Variants in MGAT4C observed in about 807,000 individuals in gnomAD.
The protein encoded by MGAT4C is alpha-1,3-mannosyl-glycoprotein 4-beta-N-acetylglucosaminyltransferase C.
A neutral mutation model predicts 40.1 loss-of-function variants in MGAT4C; 19 were observed. The ratio of observed to expected loss-of-function variants is 0.47; its 90% CI spans 0.33 to 0.70. MGAT4C has a LOEUF of 0.70. MGAT4C is among the 30% of genes least tolerant of loss of function. The probability of loss-of-function intolerance (pLI) is 0.02; values close to 1 mark genes in which losing one functional copy is unlikely to be tolerated. For missense variants in MGAT4C, 491 were observed against 563.2 expected, an observed-to-expected ratio of 0.87 and a Z score of 1.30; for synonymous variants, 181 against 187.1, an observed-to-expected ratio of 0.97 and a Z score of 0.27.
At chr12:86,124,439 T>A (rs1879927184) in intron 1 of MGAT4C, among the ~76,000 whole-genome samples, 2 of 152,254 alleles carry the variant, frequency 1.3e-5, no homozygotes, top group Middle Eastern at 3.4e-3. Flanking sequence ...ATTCTAAGAA[T>A]TTTAAGGAAC....
At chr12:86,716,559 C>T (rs1950647578) in intron 2 of MGAT4C, among the ~76,000 whole-genome samples, 2 of 152,094 alleles carry the variant, frequency 1.3e-5, no homozygotes, top group Admixed American at 1.3e-4. Flanking sequence ...CCTTTCCCTT[C>T]TGAAAAATGA....
intron 1 of MGAT4C, 111 bp from the exon 2 acceptor site, chr12:86,049,834 T>C (rs1892730626): frequency 5.0e-6 from 1 of 200,842 alleles, no homozygotes; most frequent in South Asian, 1.7e-4. Context: ...TCTAACTGCA[T>C]TAGGATCATA....
Position 86,226,052 on chromosome 12 carries a change from CA to C in MGAT4C, c.-57+30186del, listed in dbSNP as rs1304473210. Among the ~76,000 whole-genome samples, 11 of 151,436 alleles carry C rather than the reference CA, an allele frequency of 7.3e-5. 1 individual carries two copies. Among genetic ancestry groups the C allele is most frequent in the African/African-American group, 1.5e-4 (6 of 41,246 alleles). Reference sequence around the variant, plus strand: ...AAAACAAGGCGCTTGCATGTAATAACAGATCTATATAATTTTATAATATGCA... The same window carrying C: ...AAAACAAGGCGCTTGCATGTAATAACGATCTATATAATTTTATAATATGCA... On this transcript the variant is annotated intron_variant, in intron 1 of 4. Transcript: ENST00000611864.
chr12:86,745,352 A>G (rs1484092520), intron 1 of MGAT4C, among the ~76,000 whole-genome samples: 1 of 151,680 alleles, frequency 6.6e-6, no homozygotes, highest in Non-Finnish European at 1.5e-5. Flanking sequence ...CTGTGTAATC[A>G]AAGTATTTTT....
chr12:86,358,443 C>G (rs181928444), intron 3 of MGAT4C, among the ~76,000 whole-genome samples: 65 of 152,256 alleles, frequency 4.3e-4, no homozygotes, highest in African/African-American at 1.5e-3. Context: ...AACTGGCTAA[C>G]ATCATAATGA....
chr12:86,163,176 T>C (rs531617876), intron 1 of MGAT4C, among the ~76,000 whole-genome samples: 1 of 152,206 alleles, frequency 6.6e-6, no homozygotes, highest in Non-Finnish European at 1.5e-5. Flanking sequence ...ATTGACATTA[T>C]AGAACAACAA....
chr12:86,280,950 G>T (rs1157881070), intron 4 of MGAT4C, among the ~76,000 whole-genome samples: 1 of 151,910 alleles, frequency 6.6e-6, no homozygotes. Flanking sequence ...GGCAATCTTT[G>T]TCTTTTAATT....
intron 3 of MGAT4C, among the ~76,000 whole-genome samples, chr12:86,408,471 CTCTCTCTCTATATATATA>C (rs1237091633): frequency 5.5e-5 from 6 of 109,436 alleles, no homozygotes; most frequent in African/African-American, 2.0e-4. Flanking sequence ...CTCTCTCTCT[CTCTCTCTCTATATATATA>C]TATATATATA....
chr12:86,678,016 A>G (rs1035771692), intron 2 of MGAT4C, among the ~76,000 whole-genome samples: 4 of 152,112 alleles, frequency 2.6e-5, no homozygotes, highest in African/African-American at 9.7e-5. Flanking sequence ...TAAACACCAA[A>G]TGTATGCTGA....
intron 2 of MGAT4C, among the ~76,000 whole-genome samples, chr12:86,000,386 T>C (rs1887168186): frequency 6.6e-6 from 1 of 152,166 alleles, no homozygotes; most frequent in Admixed American, 6.6e-5. Context: ...GAGACACATG[T>C]CATATCACTA....
At chr12:86,587,396 A>G (rs1013330421) in intron 2 of MGAT4C, among the ~76,000 whole-genome samples, 1 of 152,134 alleles carries the variant, frequency 6.6e-6, no homozygotes, top group Admixed American at 6.6e-5. Context: ...TGATGCCTCC[A>G]GCTTTGTTCT....
At chr12:86,758,432 A>G (rs564689668) in intron 1 of MGAT4C, among the ~76,000 whole-genome samples, 1 of 150,092 alleles carries the variant, frequency 6.7e-6, no homozygotes, top group East Asian at 2.0e-4. Flanking sequence ...ACTTAGCACA[A>G]TTCTTAGGTA....
intron 2 of MGAT4C, among the ~76,000 whole-genome samples, chr12:86,662,357 A>C (rs532932476): frequency 6.6e-6 from 1 of 152,328 alleles, no homozygotes; most frequent in East Asian, 1.9e-4. Context: ...AAAAATTCAT[A>C]TGTGTTTATT....
chr12:86,009,564 C>T (rs773097485), intron 2 of MGAT4C, among the ~76,000 whole-genome samples: 21 of 152,162 alleles, frequency 1.4e-4, no homozygotes, highest in Non-Finnish European at 2.5e-4. Context: ...CAGTAAGCTA[C>T]GAAAATGACC....
chr12:86,441,352 A>G (rs917137118), intron 2 of MGAT4C, among the ~76,000 whole-genome samples: 2 of 150,896 alleles, frequency 1.3e-5, no homozygotes, highest in African/African-American at 4.9e-5. Context: ...TTTTATTATT[A>G]TTATTATTAT....
At chr12:86,155,257 C>T (rs1884790632) in intron 1 of MGAT4C, among the ~76,000 whole-genome samples, 1 of 152,092 alleles carries the variant, frequency 6.6e-6, no homozygotes, top group Non-Finnish European at 1.5e-5. Context: ...GTTCATAGAA[C>T]TTTGTAGGCA....
chr12:86,147,688 C>A (rs1883733348), intron 1 of MGAT4C, among the ~76,000 whole-genome samples: 1 of 151,974 alleles, frequency 6.6e-6, no homozygotes, highest in Non-Finnish European at 1.5e-5. Context: ...TAAAGTTGGA[C>A]AAATTGCTAT....
chr12:86,215,399 C>G lies in MGAT4C; in HGVS notation c.-57+40840G>C, dbSNP rs116192391. Among the ~76,000 whole-genome samples the G allele has an allele frequency of 3.1e-3, 479 of 152,242 alleles. 2 individuals are homozygous for G. Among genetic ancestry groups the G allele is most frequent in the African/African-American group, 0.011 (465 of 41,546 alleles). On this transcript the variant is annotated intron_variant, in intron 1 of 4. Transcript: ENST00000611864. ...GTGTTAAATTTTATTTGGCTTAAAG[C>G]TGCCCCCACACATAGCAAACTGCAA...
chr12:86,189,348 T>A (rs555412269), intron 1 of MGAT4C, among the ~76,000 whole-genome samples: 1 of 152,014 alleles, frequency 6.6e-6, no homozygotes, highest in Non-Finnish European at 1.5e-5. Context: ...ATTCTCAAGA[T>A]GTAATATATT....
Sources: allele counts gnomAD v4.1 joint callset (sites outside exome capture counted in the v4.1 genomes callset), GRCh38; gene constraint gnomAD v4.1.1; transcripts MANE v1.5; gene names NCBI Gene and HGNC (gene_info 2026-07-23, HGNC 2026-07-21).